The following MLLT10 variants were observed in gnomAD, a reference collection of about 807,000 sequenced individuals.
MLLT10 encodes MLLT10 histone lysine methyltransferase DOT1L cofactor, also known as protein AF-10.
In MLLT10, 30 loss-of-function variants were observed where a neutral mutation model predicts 129.1. The ratio of observed to expected loss-of-function variants is 0.23; its 90% CI spans 0.17 to 0.32. MLLT10 has a LOEUF of 0.32. Ranked by LOEUF, MLLT10 falls within the 10% of genes least tolerant of loss-of-function variation. The pLI is 1.00. For missense variants in MLLT10, 1,119 were observed against 1,268.3 expected (o/e 0.88, Z 1.79); for synonymous variants, 490 against 446.4 (o/e 1.10, Z -1.23).
chr10:21,599,171 C>T (rs891936867), intron 5 of MLLT10, among the ~76,000 whole-genome samples: 1 of 147,468 alleles, frequency 6.8e-6, no homozygotes, highest in Non-Finnish European at 1.5e-5. Flanking sequence ...GAGTGAGACT[C>T]CATCTCAAAA....
At chr10:21,578,457 C>G (rs530741904) in intron 3 of MLLT10, among the ~76,000 whole-genome samples, 2 of 152,108 alleles carry the variant, frequency 1.3e-5, no homozygotes, top group Admixed American at 6.5e-5. Flanking sequence ...GCAAAAAAGT[C>G]TGTAGGTTTG....
chr10:21,697,119 AAAAG>A (rs1360392376), intron 13 of MLLT10, among the ~76,000 whole-genome samples: 5 of 151,456 alleles, frequency 3.3e-5, no homozygotes, highest in African/African-American at 1.2e-4. Context: ...AAAAAAAAAA[AAAAG>A]AGGGAGAATT....
At chr10:21,544,903 C>T (rs190025401) in intron 3 of MLLT10, among the ~76,000 whole-genome samples, 121 of 152,222 alleles carry the variant, frequency 7.9e-4, no homozygotes, top group African/African-American at 2.7e-3. Flanking sequence ...CCCAGGACTT[C>T]GGGAGGCCGA....
chr10:21,741,008 G>T (rs1285021609), intron 22 of MLLT10, among the ~76,000 whole-genome samples: 4 of 152,220 alleles, frequency 2.6e-5, no homozygotes, highest in African/African-American at 9.6e-5. Context: ...CTTGGCAAAT[G>T]AGTGTTCAAA....
rs113922197 is a variant in MLLT10, at chr10:21,629,860, G to A, written c.699+12653G>A. Reference sequence around the variant, plus strand: ...CGTGTATAGTCCCAGCTGCTGGAGCGCTGATGTGGGAGTATCTCTTGAGAT... The same window carrying A: ...CGTGTATAGTCCCAGCTGCTGGAGCACTGATGTGGGAGTATCTCTTGAGAT... On this transcript the variant is annotated intron_variant, in intron 8 of 22. Transcript: ENST00000307729. Among the ~76,000 whole-genome samples, 1,182 of 152,274 alleles carry A rather than the reference G, an allele frequency of 7.8e-3. 13 individuals carry two copies. Among genetic ancestry groups the A allele is most frequent in the Non-Finnish European group, 0.012 (817 of 68,008 alleles).
chr10:21,710,637 C>T (rs1190806843), intron 13 of MLLT10, among the ~76,000 whole-genome samples: 2 of 152,126 alleles, frequency 1.3e-5, no homozygotes, highest in African/African-American at 4.8e-5. Context: ...CCATTGTGTT[C>T]TATATGTAGG....
chr10:21,735,484 G>C (rs559797141), intron 21 of MLLT10, among the ~76,000 whole-genome samples: 1 of 152,180 alleles, frequency 6.6e-6, no homozygotes, highest in African/African-American at 2.4e-5. Context: ...GATGTGGTGC[G>C]TGTTTTCCCG....
At position 21,741,318 on chromosome 10, in the gene MLLT10, G is replaced by A. The variant is rs185731193; in HGVS notation, c.3163-621G>A. Among the ~76,000 whole-genome samples the A allele has an allele frequency of 2.6e-5, 4 of 152,210 alleles. No homozygotes were observed. The East Asian group carries it at 7.7e-4, about 29-fold the overall frequency. On this transcript the variant is annotated intron_variant, in intron 22 of 22. Coordinates refer to ENST00000307729, the MANE Select transcript of MLLT10 (RefSeq NM_001195626.3). ...AAGTGTTTTTCTTGTGTTAAGAAAT[G>A]CACTAATTACAAACTTTTCCTAGGT...
rs1260296208 is a variant in MLLT10 at position 21,682,257 on chromosome 10, G to T, written c.1699G>T (p.Gly567Cys). 1 of 1,609,044 alleles carries T rather than the reference G, an allele frequency of 6.2e-7. No homozygotes were observed. Among genetic ancestry groups the T allele is most frequent in the Non-Finnish European group, 8.5e-7 (1 of 1,178,144 alleles). Residue 567 changes from glycine (G) to cysteine (C), a missense_variant and splice_region_variant, in exon 13 of 23, where the codon GGT (glycine) becomes TGT (cysteine). By Grantham distance (159) the Gly-to-Cys change is radical. Coordinates refer to ENST00000307729, the MANE Select transcript of MLLT10 (RefSeq NM_001195626.3). ...AGAGTTGCTGAATGCAATACACAAC[G>T]GTAAGTTTTATTAGAATCTTCTCTA... is the stretch of plus-strand genomic sequence containing the variant. The part of the protein sequence containing the change: ...FSELLNAIHN[G>C]IYNSNDVAVS...
chr10:21,728,906 G>C (rs890105791), intron 16 of MLLT10, among the ~76,000 whole-genome samples: 2 of 148,634 alleles, frequency 1.3e-5, no homozygotes, highest in Admixed American at 6.7e-5. Context: ...TTTTTCATGT[G>C]ATGACAGATC....
At chr10:21,688,589 C>G in intron 13 of MLLT10, 1 of 1,506,666 alleles carries the variant, frequency 6.6e-7, no homozygotes, top group Non-Finnish European at 9.1e-7. Flanking sequence ...TTAAATTAAT[C>G]CTATTGTAGC....
chr10:21,581,221 G>T (rs1486665056), intron 3 of MLLT10, among the ~76,000 whole-genome samples: 8 of 150,252 alleles, frequency 5.3e-5, no homozygotes, highest in African/African-American at 1.7e-4. Flanking sequence ...TATTTTTTTT[G>T]TACTTTTAGT....
intron 11 of MLLT10, among the ~76,000 whole-genome samples, chr10:21,676,148 G>A (rs1002110225): frequency 1.1e-4 from 16 of 151,116 alleles, no homozygotes; most frequent in Admixed American, 7.2e-4. Context: ...ACTCTGGGGC[G>A]GCCGCACACA....
At chr10:21,619,502 T>TG (rs1429872304) in intron 8 of MLLT10, among the ~76,000 whole-genome samples, 1 of 152,200 alleles carries the variant, frequency 6.6e-6, no homozygotes, top group African/African-American at 2.4e-5. Flanking sequence ...TTTATTGCTC[T>TG]GGGAATGAAT....
intron 13 of MLLT10, among the ~76,000 whole-genome samples, chr10:21,710,022 A>G (rs899466115): frequency 7.2e-5 from 11 of 152,232 alleles, no homozygotes; most frequent in Non-Finnish European, 1.5e-4. Flanking sequence ...GATTACAAGC[A>G]TGAGCCACTT....
At chr10:21,686,799 T>C (rs951860096) in intron 13 of MLLT10, among the ~76,000 whole-genome samples, 1 of 152,124 alleles carries the variant, frequency 6.6e-6, no homozygotes, top group East Asian at 1.9e-4. Flanking sequence ...CTGCTCAACA[T>C]GACGAAACCC....
In MLLT10 at chr10:21,732,885, C is replaced by G; in HGVS notation, c.2219-14C>G. On this transcript the variant is annotated splice_polypyrimidine_tract_variant and intron_variant, in intron 17 of 22. Transcript: ENST00000307729. ...GTACTTGTCATTATTAAAAACTATC[C>G]AAATGTGTGGTAGTTTTAGGAATGC... The G allele has an allele frequency of 6.2e-7, 1 of 1,608,204 alleles. No homozygotes were observed. Among genetic ancestry groups the G allele is most frequent in the Non-Finnish European group, 8.5e-7 (1 of 1,176,672 alleles).
chr10:21,565,250 A>G (rs781507062), intron 3 of MLLT10, among the ~76,000 whole-genome samples: 81 of 151,574 alleles, frequency 5.3e-4, no homozygotes, highest in Non-Finnish European at 9.4e-4. Flanking sequence ...TTTGCTTTCA[A>G]CGTGCTTATT....
At chr10:21,586,411 A>C (rs2041991437) in intron 4 of MLLT10, 63 bp downstream of exon 4, 7 of 1,168,122 alleles carry the variant, frequency 6.0e-6, no homozygotes, top group Non-Finnish European at 8.6e-6. Context: ...GTATTTTCAA[A>C]TATTTGGTAG....
Sources: gnomAD v4.1 joint callset for allele counts (sites outside exome capture counted in the v4.1 genomes callset) on GRCh38, gnomAD v4.1.1 for gene constraint, MANE v1.5 for transcripts, NCBI Gene and HGNC (gene_info 2026-07-23, HGNC 2026-07-21) for gene names.